The following SYT10 variants were observed in gnomAD, a reference collection of about 807,000 sequenced individuals.
The protein encoded by SYT10 is synaptotagmin 10, also known as synaptotagmin-10.
A neutral mutation model predicts 51.1 loss-of-function variants in SYT10; 31 were observed. The observed-to-expected ratio is 0.61, with a 90% CI of 0.46 to 0.82. The LOEUF (loss-of-function observed/expected upper bound fraction) is 0.82. Ranked by LOEUF, SYT10 falls within the 40% of genes least tolerant of loss-of-function variation. The pLI is 0.00. For synonymous variants in SYT10, 233 were observed against 225.9 expected (o/e 1.03, Z -0.28); for missense variants, 603 against 634.0 (o/e 0.95, Z 0.53).
rs143923961 is a variant in SYT10, at chr12:33,426,277, C to A, written c.370G>T (p.Val124Leu). The A allele has an allele frequency of 5.0e-5, 81 of 1,613,924 alleles. No homozygotes were observed. The highest frequency in any genetic ancestry group is 5.8e-5 in the Non-Finnish European group (68 of 1,180,014). The change falls in exon 2 of 7, where the codon GTA (valine) becomes TTA (leucine). Residue 124 changes from valine (V) to leucine (L), a missense_variant. Physicochemically the swap from Val to Leu is conservative, Grantham distance 32. Coordinates refer to ENST00000228567, the MANE Select transcript of SYT10 (RefSeq NM_198992.4). The stretch of plus-strand genomic sequence containing the variant: ...TTTATTGCAGGCTCAATAGCTTTTA[C>A]GGCTGGCTTTTCATTTTCCTTAATT... Reference protein sequence around the residue: ...KEIKENEKPAVKAIEPAIKIS... With the variant: ...KEIKENEKPALKAIEPAIKIS...
At chr12:33,396,351 A>T (rs960437671) in intron 3 of SYT10, among the ~76,000 whole-genome samples, 1 of 152,190 alleles carries the variant, frequency 6.6e-6, no homozygotes, top group African/African-American at 2.4e-5. Flanking sequence ...CAGAGATGAG[A>T]TATTTTAAAT....
At chr12:33,401,613 T>C (rs1281298605) in intron 3 of SYT10, among the ~76,000 whole-genome samples, 1 of 152,186 alleles carries the variant, frequency 6.6e-6, no homozygotes, top group Non-Finnish European at 1.5e-5. Context: ...TTTAAAATGT[T>C]CCTGCTTGAT....
chr12:33,394,231 A>G (rs1490467740), intron 3 of SYT10, among the ~76,000 whole-genome samples: 1 of 152,246 alleles, frequency 6.6e-6, no homozygotes, highest in Non-Finnish European at 1.5e-5. Context: ...CTGTAAAAGC[A>G]TGAATAAAAT....
intron 2 of SYT10, 104 bp from the exon 3 acceptor site, chr12:33,407,460 G>T (rs1591990411): frequency 1.7e-6 from 2 of 1,210,484 alleles, no homozygotes; most frequent in East Asian, 2.4e-5. Context: ...ATAGTGAAAA[G>T]ATATCTATAT....
At chr12:33,422,835 C>A (rs1009439963) in intron 2 of SYT10, among the ~76,000 whole-genome samples, 2 of 151,906 alleles carry the variant, frequency 1.3e-5, no homozygotes, top group Non-Finnish European at 2.9e-5. Context: ...ACTTGTAATT[C>A]CTTATATTGG....
intron 3 of SYT10, among the ~76,000 whole-genome samples, chr12:33,400,941 G>T (rs1359918289): frequency 6.6e-6 from 1 of 151,724 alleles, no homozygotes; most frequent in African/African-American, 2.4e-5. Flanking sequence ...CGGGAGAATT[G>T]CTAGAACCTG....
chr12:33,405,420 TTC>T (rs1866344209), intron 3 of SYT10: 1 of 152,120 alleles, frequency 6.6e-6, no homozygotes, highest in African/African-American at 2.4e-5. Flanking sequence ...TCAAAATTCC[TTC>T]TTTGTTCCTT....
intron 3 of SYT10, among the ~76,000 whole-genome samples, chr12:33,393,910 C>A (rs913336225): frequency 1.3e-5 from 2 of 152,200 alleles, no homozygotes; most frequent in Non-Finnish European, 2.9e-5. Context: ...TATCTGTCTT[C>A]TTTTCTAGAA....
chr12:33,439,230 G>A, intron 1 of SYT10, 142 bp downstream of exon 1: 1 of 1,096,788 alleles, frequency 9.1e-7, no homozygotes, highest in Admixed American at 2.6e-5. Flanking sequence ...GGAGCTGAGC[G>A]AAGGAAGGAG....
rs190235698 is a variant in SYT10 at position 33,376,809 on chromosome 12, C to A, written c.*21G>T. 1.2e-6 allele frequency: 2 copies of A among 1,613,732 alleles called. No individual in the cohort carries two copies. Among genetic ancestry groups the A allele is most frequent in the East Asian group, 4.5e-5 (2 of 44,874 alleles). On this transcript the variant is annotated 3_prime_UTR_variant, in exon 7 of 7. Coordinates refer to ENST00000228567, the MANE Select transcript of SYT10 (RefSeq NM_198992.4). ...GCACGTGATCCTAGATGCTTAATAT[C>A]ATGGTCTCATTTTGGAGGCATTATG...
At chr12:33,405,063 A>C (rs1251506053) in intron 3 of SYT10, 1 of 152,110 alleles carries the variant, frequency 6.6e-6, no homozygotes, top group Non-Finnish European at 1.5e-5. Context: ...CTAATTTTTT[A>C]GATTTCATTG....
chr12:33,386,472 C>T (rs1866157573), intron 3 of SYT10, among the ~76,000 whole-genome samples: 1 of 151,756 alleles, frequency 6.6e-6, no homozygotes, highest in South Asian at 2.1e-4. Context: ...TTTGTTCCTG[C>T]TTTGGGGCCT....
chr12:33,436,186 T>C (rs1432685220), intron 1 of SYT10, among the ~76,000 whole-genome samples: 4 of 152,292 alleles, frequency 2.6e-5, no homozygotes, highest in South Asian at 4.1e-4. Flanking sequence ...GAAATTAAGC[T>C]AAATCCAGTT....
intron 6 of SYT10, among the ~76,000 whole-genome samples, chr12:33,379,290 T>C (rs1489693218): frequency 6.6e-6 from 1 of 152,084 alleles, no homozygotes; most frequent in Non-Finnish European, 1.5e-5. Context: ...AGCCAGGCCT[T>C]GAACTCGACT....
chr12:33,429,945 C>G (rs1192713436), intron 1 of SYT10, among the ~76,000 whole-genome samples: 1 of 152,188 alleles, frequency 6.6e-6, no homozygotes, highest in Non-Finnish European at 1.5e-5. Context: ...TCTACACAGG[C>G]TTTCAAGTTA....
intron 3 of SYT10, among the ~76,000 whole-genome samples, chr12:33,403,745 T>G (rs1213246644): frequency 2.0e-5 from 3 of 152,180 alleles, no homozygotes; most frequent in Non-Finnish European, 2.9e-5. Context: ...TAATGACGTG[T>G]GAATAGAAAA....
At chr12:33,398,387 C>A (rs1383087869) in intron 3 of SYT10, among the ~76,000 whole-genome samples, 14 of 151,880 alleles carry the variant, frequency 9.2e-5, no homozygotes, top group Admixed American at 8.5e-4. Context: ...GTGGTGGGCG[C>A]CTGTAGTCAC....
At chr12:33,378,217 A>C (rs2138378786) in intron 6 of SYT10, among the ~76,000 whole-genome samples, 1 of 152,302 alleles carries the variant, frequency 6.6e-6, no homozygotes, top group South Asian at 2.1e-4. Flanking sequence ...TCTGATGACT[A>C]TATTGTAGCT....
intron 1 of SYT10, chr12:33,433,001 A>G (rs1304725639): frequency 6.6e-6 from 1 of 152,108 alleles, no homozygotes; most frequent in Non-Finnish European, 1.5e-5. Flanking sequence ...CCAATAGTCT[A>G]TGTGAGGCAT....
Sources: gnomAD v4.1 joint callset for allele counts (sites outside exome capture counted in the v4.1 genomes callset) on GRCh38, gnomAD v4.1.1 for gene constraint, MANE v1.5 for transcripts, NCBI Gene and HGNC (gene_info 2026-07-23, HGNC 2026-07-21) for gene names.